Variants in PHC2 observed in about 807,000 individuals in gnomAD.
PHC2 encodes the protein polyhomeotic-like protein 2.
Under a neutral mutation model 87.4 loss-of-function variants are expected in PHC2, and 29 were observed. The ratio of observed to expected loss-of-function variants is 0.33; its 90% confidence interval spans 0.25 to 0.45. The LOEUF (loss-of-function observed/expected upper bound fraction) is 0.45. Among genes scored for constraint, PHC2 ranks in the 20% least tolerant of loss-of-function variants. The pLI is 1.00. For synonymous variants in PHC2, 438 were observed against 461.7 expected (o/e 0.95, Z 0.66); for missense variants, 857 against 1,136.7 (o/e 0.75, Z 3.54).
rs142952134 is a variant in PHC2 at position 33,419,427 on chromosome 1, T to G, written c.-55+11549A>C. ...AAATCAAGGGGTCAGCAGGCTGTGC[T>G]CTCCCTCAGGAGGTTCTACGGAAGA... On this transcript the variant is annotated intron_variant, in intron 1 of 14. Coordinates refer to ENST00000683057, the MANE Select transcript of PHC2 (RefSeq NM_001385109.1). 1.8e-3 allele frequency among the ~76,000 whole-genome samples: 281 copies of G among 152,324 alleles called. 3 individuals are homozygous for G. Among genetic ancestry groups the G allele is most frequent in the Middle Eastern group, 6.8e-3 (2 of 294 alleles).
At chr1:33,341,476 C>T (rs947428175) in intron 9 of PHC2, among the ~76,000 whole-genome samples, 3 of 152,190 alleles carry the variant, frequency 2.0e-5, no homozygotes, top group African/African-American at 7.2e-5. Flanking sequence ...TGAGTGATTC[C>T]CAAATTGGGA....
At chr1:33,381,151 A>C (rs185420418) in intron 1 of PHC2, among the ~76,000 whole-genome samples, 7 of 152,260 alleles carry the variant, frequency 4.6e-5, no homozygotes, top group Admixed American at 3.9e-4. Flanking sequence ...TCTTCCTTTA[A>C]GCCATCCAGC....
rs1428764053 is a variant in PHC2 at position 33,349,900 on chromosome 1, G to A, written c.1558+4501C>T. 9 of 977,186 alleles carry A rather than the reference G, an allele frequency of 9.2e-6. No individual in the cohort carries two copies. The highest frequency in any genetic ancestry group is 5.2e-4 in the Middle Eastern group (1 of 1,930). The allele number at this position is 977,186 out of a possible 1,614,324, so 60.5% of individuals were successfully genotyped here. A position where few individuals can be genotyped will look rare whatever the true frequency, so the allele number is the denominator to read the frequency against. ...GCTGCAGCCGCCGCGGAGACAATGC[G>A]GCGAGTCTGGGACGGCTCCCGCGGC... On this transcript the variant is annotated intron_variant, in intron 9 of 14. Coordinates refer to ENST00000683057, the MANE Select transcript of PHC2 (RefSeq NM_001385109.1). The surrounding 1 kb of genome is among the most constrained non-coding windows in gnomAD (Gnocchi z 4.2).
At chr1:33,403,509 C>CTAG (rs1649633346) in intron 1 of PHC2, among the ~76,000 whole-genome samples, 1 of 152,156 alleles carries the variant, frequency 6.6e-6, no homozygotes. Flanking sequence ...ATATGGGTGT[C>CTAG]TTCTAAAGTT....
At position 33,369,954 on chromosome 1, in the gene PHC2, G is replaced by A. The variant is rs11577204; in HGVS notation, c.576+467C>T. On this transcript the variant is annotated intron_variant, in intron 5 of 14. Coordinates refer to ENST00000683057, the MANE Select transcript of PHC2 (RefSeq NM_001385109.1). This position sits in a 1 kb window ranked among gnomAD's most constrained non-coding sequence, Gnocchi z 4.7. ...CCTGACCCTGATTAGAATGGGGGCC[G>A]CTGGGAGGGCAATGGAGGCACGCTG... Among the ~76,000 whole-genome samples the A allele has an allele frequency of 0.17, 26,280 of 152,048 alleles. 2,806 individuals carry two copies. The highest frequency in any genetic ancestry group is 0.27 in the South Asian group (1,285 of 4,802).
chr1:33,372,537 T>C (rs1647919192), intron 2 of PHC2, 90 bp from the exon 3 acceptor site: 2 of 1,204,634 alleles, frequency 1.7e-6, no homozygotes, highest in African/African-American at 3.1e-5. Context: ...CCCAGGTCTC[T>C]ATAACTGCTC....
intron 1 of PHC2, among the ~76,000 whole-genome samples, chr1:33,389,539 C>T (rs1268075473): frequency 1.3e-5 from 2 of 152,180 alleles, no homozygotes; most frequent in Non-Finnish European, 2.9e-5. Flanking sequence ...CTCCTGCTTG[C>T]TTCTGCCCTG....
intron 9 of PHC2, among the ~76,000 whole-genome samples, chr1:33,343,235 G>T (rs1207656601): frequency 6.6e-6 from 1 of 152,034 alleles, no homozygotes; most frequent in Non-Finnish European, 1.5e-5. Context: ...GGCTGAGGTG[G>T]GTGGATCACG....
At chr1:33,379,321 CCCCCCTGCCCCCCACCCCCCCACCG>C in intron 1 of PHC2, among the ~76,000 whole-genome samples, 1 of 60,746 alleles carries the variant, frequency 1.6e-5, no homozygotes, top group African/African-American at 6.4e-5. Context: ...CCCCCCACTG[CCCCCCTGCCCCCCACCCCCCCACCG>C]CCCCCTGCCC....
intron 1 of PHC2, among the ~76,000 whole-genome samples, chr1:33,415,790 T>C (rs553143243): frequency 3.3e-5 from 5 of 152,208 alleles, no homozygotes; most frequent in Admixed American, 6.5e-5. Flanking sequence ...AACATGAACA[T>C]GAGGACAAGA....
intron 7 of PHC2, among the ~76,000 whole-genome samples, chr1:33,358,003 A>G (rs529603020): frequency 8.5e-5 from 13 of 152,280 alleles, no homozygotes; most frequent in East Asian, 7.7e-4. Context: ...GGCCTGAGAC[A>G]AGGTACTCTT....
chr1:33,342,952 C>T (rs1457048140), intron 9 of PHC2, among the ~76,000 whole-genome samples: 1 of 152,154 alleles, frequency 6.6e-6, no homozygotes, highest in African/African-American at 2.4e-5. Context: ...GCTCTGGGGG[C>T]CAGACCTGGA....
chr1:33,355,459 C>T (rs575966838), intron 7 of PHC2, among the ~76,000 whole-genome samples: 1 of 152,358 alleles, frequency 6.6e-6, no homozygotes, highest in African/African-American at 2.4e-5. Flanking sequence ...TCCTCCTTTG[C>T]TGGAGGAACA....
At chr1:33,352,884 C>T (rs1437588981) in intron 9 of PHC2, among the ~76,000 whole-genome samples, 2 of 152,118 alleles carry the variant, frequency 1.3e-5, no homozygotes, top group East Asian at 3.9e-4. Flanking sequence ...TTTGTTTCTG[C>T]CTCTGAATAA....
chr1:33,370,662 C>T (rs1647770838), intron 4 of PHC2, 77 bp from the exon 5 acceptor site: 9 of 1,396,312 alleles, frequency 6.4e-6, no homozygotes, highest in South Asian at 1.3e-5. Flanking sequence ...ATTTCTTTCT[C>T]CCCCCTCTTT....
intron 9 of PHC2, among the ~76,000 whole-genome samples, chr1:33,337,755 A>C (rs143101458): frequency 1.3e-5 from 2 of 152,316 alleles, no homozygotes; most frequent in African/African-American, 4.8e-5. Flanking sequence ...AAAGGCTACA[A>C]ATTCGTAATC....
At chr1:33,337,985 C>T (rs1646672860) in intron 9 of PHC2, among the ~76,000 whole-genome samples, 1 of 152,212 alleles carries the variant, frequency 6.6e-6, no homozygotes, top group African/African-American at 2.4e-5. Flanking sequence ...AATCCATTCT[C>T]CTCTTAATTC....
At chr1:33,356,263 A>G (rs1412869098) in intron 7 of PHC2, among the ~76,000 whole-genome samples, 2 of 87,420 alleles carry the variant, frequency 2.3e-5, no homozygotes, top group East Asian at 3.4e-4. Context: ...ATATATATAT[A>G]TATATATATA....
At chr1:33,346,962 A>G (rs1213740030) in intron 9 of PHC2, 6 of 985,326 alleles carry the variant, frequency 6.1e-6, no homozygotes, top group Non-Finnish European at 7.2e-6. Context: ...GTAAGAGCAT[A>G]CAAGGCCAGA....
Sources: gnomAD v4.1 joint callset for allele counts (sites outside exome capture counted in the v4.1 genomes callset) on GRCh38, gnomAD v4.1.1 for gene constraint, Gnocchi (gnomAD v3.1) non-coding constraint, MANE v1.5 for transcripts, NCBI Gene and HGNC (gene_info 2026-07-23, HGNC 2026-07-21) for gene names.